Variants in MECR observed in about 807,000 individuals in gnomAD.
MECR encodes enoyl-[acyl-carrier-protein] reductase, mitochondrial.
MECR carries 37 observed loss-of-function variants against 49.1 expected under a neutral mutation model. The observed-to-expected ratio is 0.75, with a 90% CI of 0.58 to 0.99. The LOEUF is 0.99. Among genes scored for constraint, MECR ranks in the 50% least tolerant of loss-of-function variants. MECR has a pLI of 0.00. For missense variants in MECR, 470 were observed against 479.6 expected, an observed-to-expected ratio of 0.98 and a Z score of 0.19; for synonymous variants, 198 against 191.1, an observed-to-expected ratio of 1.04 and a Z score of -0.30.
chr1:29,186,575 A>G, the MECR span, among the ~76,000 whole-genome samples: 1 of 152,220 alleles, frequency 6.6e-6, no homozygotes, highest in African/African-American at 2.4e-5. Context: ...AGCGTTTAAA[A>G]TACTTATTGA....
chr1:29,228,165 CAGG>C (rs1224876794), intron 1 of MECR, among the ~76,000 whole-genome samples: 1 of 151,920 alleles, frequency 6.6e-6, no homozygotes, highest in East Asian at 1.9e-4. Context: ...CCCTTGAGCC[CAGG>C]AGTTCAAGAC....
the MECR span, among the ~76,000 whole-genome samples, chr1:29,167,870 T>C: frequency 2.0e-5 from 3 of 152,228 alleles, no homozygotes; most frequent in African/African-American, 7.2e-5. Flanking sequence ...TGTATTATTA[T>C]TCTTCTCATT....
chr1:29,201,879 C>T lies in MECR; in HGVS notation c.756+64G>A, dbSNP rs1675398443. On this transcript the variant is annotated intron_variant, in intron 6 of 9. Transcript: ENST00000263702. The surrounding 1 kb of genome is among the most constrained non-coding windows in gnomAD (Gnocchi z 4.3). Reference sequence around the variant, plus strand: ...GGGCCAGTCCCCAGTTTCTCTAATGCATGTCAACTTTCTTCAGGGAGATGT... The same window carrying T: ...GGGCCAGTCCCCAGTTTCTCTAATGTATGTCAACTTTCTTCAGGGAGATGT... 1 of 1,330,132 alleles carries T rather than the reference C, an allele frequency of 7.5e-7. No individual in the cohort carries two copies. Among genetic ancestry groups the T allele is most frequent in the Non-Finnish European group, 1.1e-6 (1 of 923,600 alleles). The allele number at this position is 1,330,132 out of a possible 1,614,324, so 82.4% of individuals were successfully genotyped here. A position where few individuals can be genotyped will look rare whatever the true frequency, so the allele number is the denominator to read the frequency against.
chr1:29,198,204 G>A (rs1030703506), intron 7 of MECR, among the ~76,000 whole-genome samples: 2 of 152,188 alleles, frequency 1.3e-5, no homozygotes, highest in South Asian at 2.1e-4. Context: ...CTCACCCACC[G>A]CTCACCTCCT....
chr1:29,219,586 T>G (rs1042158404), intron 1 of MECR, among the ~76,000 whole-genome samples: 29 of 152,232 alleles, frequency 1.9e-4, no homozygotes, highest in African/African-American at 6.0e-4. Flanking sequence ...CATATGAGTT[T>G]ACTAATGTTT....
At chr1:29,197,846 G>C (rs553928084) in intron 7 of MECR, among the ~76,000 whole-genome samples, 2 of 152,356 alleles carry the variant, frequency 1.3e-5, no homozygotes, top group Admixed American at 1.3e-4. Flanking sequence ...TGCATGCACT[G>C]CCTCAGGGAA....
At chr1:29,230,664 C>G (rs1344039658) in intron 1 of MECR, 67 bp downstream of exon 1, 2 of 1,523,306 alleles carry the variant, frequency 1.3e-6, no homozygotes, top group Non-Finnish European at 1.8e-6. Context: ...TCTTCCCAGT[C>G]CGCAGCTCGT....
chr1:29,203,528 C>T (rs994755792), intron 4 of MECR, among the ~76,000 whole-genome samples: 4 of 152,242 alleles, frequency 2.6e-5, no homozygotes, highest in Non-Finnish European at 4.4e-5. Flanking sequence ...GTCATCCTCC[C>T]AACTTTTATG....
the MECR span, chr1:29,168,363 T>TC: frequency 2.0e-5 from 3 of 152,272 alleles, no homozygotes; most frequent in African/African-American, 7.2e-5. Flanking sequence ...ATGCTTCTCT[T>TC]CCAGTCCTGT....
At chr1:29,205,288 G>A (rs146958953) in intron 4 of MECR, among the ~76,000 whole-genome samples, 1,684 of 152,030 alleles carry the variant, frequency 0.011, 37 homozygotes, top group African/African-American at 0.038. Context: ...GGGTTCAAGC[G>A]ATTCTCCTGC....
At chr1:29,171,459 C>T in the MECR span, 1 of 150,370 alleles carries the variant, frequency 6.7e-6, no homozygotes, top group Non-Finnish European at 1.5e-5. Flanking sequence ...GTCAATAACT[C>T]ATTTTGTAAC....
At chr1:29,211,692 C>G (rs144863341) in intron 3 of MECR, among the ~76,000 whole-genome samples, 248 of 105,992 alleles carry the variant, frequency 2.3e-3, no homozygotes, top group Non-Finnish European at 4.5e-3. Flanking sequence ...TACAGCGGAG[C>G]TGGAAAGAGA....
At chr1:29,216,263 G>T in intron 2 of MECR, 127 bp from the exon 3 acceptor site, 2 of 1,096,672 alleles carry the variant, frequency 1.8e-6, no homozygotes, top group Non-Finnish European at 2.6e-6. Context: ...ACCAACCTCT[G>T]AGCCTTAGCT....
chr1:29,227,194 C>T (rs898573236), intron 1 of MECR, among the ~76,000 whole-genome samples: 2 of 152,018 alleles, frequency 1.3e-5, no homozygotes, highest in South Asian at 4.2e-4. Flanking sequence ...AGCACCTGAC[C>T]TCTGGTGATC....
Position 29,207,047 on chromosome 1 carries a change from G to C in MECR, c.407-142C>G. ...TCCAGGATAGCATCCAGGATGTTTA[G>C]AAAAAGAAGAAAATCTGGACGTTCC... On this transcript the variant is annotated intron_variant, in intron 3 of 9. Coordinates refer to ENST00000263702, the MANE Select transcript of MECR (RefSeq NM_016011.5). 4.9e-6 allele frequency: 4 copies of C among 814,448 alleles called. No individual in the cohort carries two copies. In the South Asian group the frequency reaches 7.3e-5, roughly 15 times the overall value. The allele number at this position is 814,448 out of a possible 1,614,324, so 50.5% of individuals were successfully genotyped here. A position where few individuals can be genotyped will look rare whatever the true frequency, so the allele number is the denominator to read the frequency against.
Position 29,201,229 on chromosome 1 carries a change from C to A in MECR, c.757-640G>T. 1 of 347,920 alleles carries A rather than the reference C, an allele frequency of 2.9e-6. No homozygotes were observed. Among genetic ancestry groups the A allele is most frequent in the East Asian group, 8.9e-5 (1 of 11,298 alleles). 21.6% of individuals were successfully genotyped at this position (347,920 alleles called of 1,614,324 possible). On this transcript the variant is annotated intron_variant, in intron 6 of 9. Transcript: ENST00000263702. The surrounding 1 kb of genome is among the most constrained non-coding windows in gnomAD (Gnocchi z 4.3). ...TGGGTTTCAGCTCCCTGTGTGCCCC[C>A]CTTTTCAGTTCTTTGACTCAGCTGA...
At chr1:29,181,818 G>A in the MECR span, 1 of 1,359,532 alleles carries the variant, frequency 7.4e-7, no homozygotes, top group East Asian at 2.9e-5. Flanking sequence ...GGCAAAGCGA[G>A]AGCACGGCGG....
intron 4 of MECR, among the ~76,000 whole-genome samples, chr1:29,206,490 A>AT (rs1676601149): frequency 1.3e-5 from 2 of 152,042 alleles, no homozygotes; most frequent in African/African-American, 4.8e-5. Flanking sequence ...AGCTCAACAC[A>AT]TTTTTGCTGA....
chr1:29,187,841 C>A (rs1324749607), downstream of MECR, among the ~76,000 whole-genome samples: 1 of 150,220 alleles, frequency 6.7e-6, no homozygotes, highest in Non-Finnish European at 1.5e-5. Context: ...TCGAGACCAT[C>A]CTGGCTAACA....
Sources: gnomAD v4.1 joint callset for allele counts (sites outside exome capture counted in the v4.1 genomes callset) on GRCh38, gnomAD v4.1.1 for gene constraint, Gnocchi (gnomAD v3.1) non-coding constraint, MANE v1.5 for transcripts, NCBI Gene and HGNC (gene_info 2026-07-23, HGNC 2026-07-21) for gene names.